CD99: variants seen among roughly 807,000 people sequenced by gnomAD.
CD99 encodes the protein CD99 antigen.
In CD99, 19 loss-of-function variants were observed where a neutral mutation model predicts 28.4. That is an observed-to-expected ratio of 0.67 (90% CI 0.47 to 0.98). The LOEUF (loss-of-function observed/expected upper bound fraction) is 0.98, where lower values mean the gene tolerates loss of function less well. Among genes scored for constraint, CD99 ranks in the 50% least tolerant of loss-of-function variants. CD99 has a pLI of 0.00. For synonymous variants in CD99, 103 were observed against 92.1 expected (o/e 1.12, Z -0.67); for missense variants, 283 against 248.8 (o/e 1.14, Z -0.92).
At chrX:2,726,831 G>A (rs1490260996) in intron 8 of CD99, among the ~76,000 whole-genome samples, 3 of 151,014 alleles carry the variant, frequency 2.0e-5, no homozygotes, top group Non-Finnish European at 4.4e-5. Context: ...TCCACTGAGA[G>A]TTAAGTTAAA....
At chrX:2,714,603 G>C (rs1311529539) in intron 2 of CD99, 149 bp downstream of exon 2, 1 of 626,066 alleles carries the variant, frequency 1.6e-6, no homozygotes, top group East Asian at 2.6e-5. Context: ...ACATATAAAT[G>C]TTATGTTTAC....
chrX:2,716,049 C>G (rs1412764264), intron 2 of CD99, among the ~76,000 whole-genome samples: 2 of 147,228 alleles, frequency 1.4e-5, no homozygotes, highest in East Asian at 2.0e-4. Flanking sequence ...GATGGAGTCT[C>G]TCTCTGTCAC....
At chrX:2,693,796 G>C (rs1412203030) in intron 1 of CD99, among the ~76,000 whole-genome samples, 3 of 152,180 alleles carry the variant, frequency 2.0e-5, no homozygotes, top group African/African-American at 7.2e-5. Context: ...GCTTTGTAGA[G>C]AGCAGGATGT....
At chrX:2,736,802 A>G (rs1201567682) in intron 8 of CD99, among the ~76,000 whole-genome samples, 3 of 152,062 alleles carry the variant, frequency 2.0e-5, no homozygotes, top group Non-Finnish European at 4.4e-5. Flanking sequence ...GGTTGCAGTG[A>G]GCTGATATCG....
intron 5 of CD99, among the ~76,000 whole-genome samples, chrX:2,722,243 T>G (rs2049026115): frequency 6.6e-6 from 1 of 152,202 alleles, no homozygotes; most frequent in Admixed American, 6.5e-5. Context: ...TTTATAAGCC[T>G]TCTTCATTTA....
intron 2 of CD99, among the ~76,000 whole-genome samples, chrX:2,716,203 C>T (rs901230993): frequency 6.6e-6 from 1 of 152,048 alleles, no homozygotes; most frequent in African/African-American, 2.4e-5. Flanking sequence ...ATTTTCAGTA[C>T]AGACGGGGTT....
intron 1 of CD99, among the ~76,000 whole-genome samples, chrX:2,701,498 C>T (rs1326022194): frequency 6.6e-6 from 1 of 152,226 alleles, no homozygotes; most frequent in Non-Finnish European, 1.5e-5. Flanking sequence ...TTCAGGGGGT[C>T]AGAGAGAGTT....
In CD99 at chrX:2,691,295, A is replaced by G; in HGVS notation, c.-66A>G. Reference sequence around the variant, plus strand: ...CGCCCCACCCGGCCCGTGGGGGAGTATCTGTCCTGCCGCCTTCGCCCACGC... The same window carrying G: ...CGCCCCACCCGGCCCGTGGGGGAGTGTCTGTCCTGCCGCCTTCGCCCACGC... On this transcript the variant is annotated 5_prime_UTR_variant, in exon 1 of 10. Coordinates refer to ENST00000381192, the MANE Select transcript of CD99 (RefSeq NM_002414.5). 3 of 1,366,866 alleles carry G rather than the reference A, an allele frequency of 2.2e-6. No homozygotes were observed. The highest frequency in any genetic ancestry group is 2.9e-6 in the Non-Finnish European group (3 of 1,026,784). 84.7% of individuals were successfully genotyped at this position (1,366,866 alleles called of 1,614,324 possible). A position where few individuals can be genotyped will look rare whatever the true frequency, so the allele number is the denominator to read the frequency against.
chrX:2,704,769 C>T (rs190156596), intron 1 of CD99, among the ~76,000 whole-genome samples: 30 of 152,080 alleles, frequency 2.0e-4, no homozygotes, highest in African/African-American at 5.5e-4. Context: ...GCTGGAGTGC[C>T]GTGGTGCAGT....
At chrX:2,717,204 C>T (rs1460042677) in intron 2 of CD99, among the ~76,000 whole-genome samples, 5 of 151,880 alleles carry the variant, frequency 3.3e-5, no homozygotes, top group African/African-American at 9.7e-5. Context: ...AAAAATTAGC[C>T]GGGAGTGATG....
In CD99 at chrX:2,713,251, G is replaced by A. The variant is rs910768981; in HGVS notation, c.68-1171G>A. 1.7e-4 allele frequency among the ~76,000 whole-genome samples: 26 copies of A among 150,158 alleles called. 1 individual carries two copies. Among genetic ancestry groups the A allele is most frequent in the Non-Finnish European group, 7.4e-5 (5 of 67,612 alleles). On this transcript the variant is annotated intron_variant, in intron 1 of 9. Coordinates refer to ENST00000381192, the MANE Select transcript of CD99 (RefSeq NM_002414.5). ...GCACACAGAAACACACCTACACACTGTGCACACCTACATATGCACACACAA... is the reference window on the plus strand; with the variant it reads ...GCACACAGAAACACACCTACACACTATGCACACCTACATATGCACACACAA...
chrX:2,695,976 C>A (rs1427983897), intron 1 of CD99, among the ~76,000 whole-genome samples: 2 of 152,114 alleles, frequency 1.3e-5, no homozygotes, highest in African/African-American at 4.8e-5. Context: ...GGAAGTGACT[C>A]CTCTAACCAA....
At chrX:2,731,985 T>C (rs1357846440) in intron 8 of CD99, among the ~76,000 whole-genome samples, 1 of 149,920 alleles carries the variant, frequency 6.7e-6, no homozygotes, top group Non-Finnish European at 1.5e-5. Flanking sequence ...AAAAAAAAAT[T>C]AGCTGAGTGT....
At chrX:2,725,372 T>TG (rs2049220126) in intron 7 of CD99, among the ~76,000 whole-genome samples, 1 of 152,168 alleles carries the variant, frequency 6.6e-6, no homozygotes, top group Non-Finnish European at 1.5e-5. Context: ...CACTCCAGCC[T>TG]GTTTGACAGA....
intron 1 of CD99, among the ~76,000 whole-genome samples, chrX:2,704,034 A>G (rs1172493070): frequency 6.6e-6 from 1 of 152,116 alleles, no homozygotes; most frequent in Non-Finnish European, 1.5e-5. Context: ...TTAAAAATGC[A>G]GGCTCATGAG....
chrX:2,709,161 C>G (rs1351592072), intron 1 of CD99, among the ~76,000 whole-genome samples: 2 of 152,164 alleles, frequency 1.3e-5, no homozygotes, highest in African/African-American at 4.8e-5. Context: ...TGGACACACA[C>G]CAGACAGACA....
intron 3 of CD99, 118 bp downstream of exon 3, chrX:2,717,770 G>T: frequency 1.2e-6 from 1 of 855,288 alleles, no homozygotes; most frequent in Non-Finnish European, 2.0e-6. Context: ...TCCGGCTGGA[G>T]TCTGGTTAAT....
At chrX:2,716,275 C>T (rs1440137268) in intron 2 of CD99, among the ~76,000 whole-genome samples, 1 of 152,166 alleles carries the variant, frequency 6.6e-6, no homozygotes, top group Admixed American at 6.5e-5. Context: ...CCTTGGCCTC[C>T]CAAAGTGCTG....
intron 1 of CD99, among the ~76,000 whole-genome samples, chrX:2,711,441 G>GTA (rs4061822): frequency 0.018 from 2,666 of 146,800 alleles, 85 homozygotes; most frequent in East Asian, 0.16. Context: ...GTGTATGTGT[G>GTA]TATATATATA....
Sources: allele counts gnomAD v4.1 joint callset (sites outside exome capture counted in the v4.1 genomes callset), GRCh38; gene constraint gnomAD v4.1.1; transcripts MANE v1.5; gene names NCBI Gene and HGNC (gene_info 2026-07-23, HGNC 2026-07-21).